Variants in MINPP1 observed in about 807,000 individuals in gnomAD.
The protein encoded by MINPP1 is multiple inositol-polyphosphate phosphatase 1.
A neutral mutation model predicts 46.1 loss-of-function variants in MINPP1; 28 were observed. The ratio of observed to expected loss-of-function variants is 0.61; its 90% CI spans 0.45 to 0.83. The LOEUF is 0.83. MINPP1 is among the 40% of genes least tolerant of loss of function. The pLI, the probability that MINPP1 is intolerant of heterozygous loss-of-function variation, is 0.00. For missense variants in MINPP1, 603 were observed against 610.0 expected (o/e 0.99, Z 0.12); for synonymous variants, 268 against 249.1 (o/e 1.08, Z -0.72).
At position 87,505,131 on chromosome 10, in the gene MINPP1, G is replaced by A. The variant is rs11544306; in HGVS notation, c.216G>A (p.Glu72=). ...SGPEAPWRDP[E]LLEGTCTPVQ... ...CCGAGGCTCCGTGGCGGGACCCTGA[G>A]CTGCTGGAGGGGACCTGCACCCCGG... Residue 72 remains glutamate, a synonymous_variant, in exon 1 of 5, where the codon GAG becomes GAA. Transcript: ENST00000371996. The surrounding 1 kb of genome is among the most constrained non-coding windows in gnomAD (Gnocchi z 4.4). The A allele has an allele frequency of 1.2e-6, 2 of 1,612,208 alleles. No individual in the cohort carries two copies. Among genetic ancestry groups the A allele is most frequent in the Admixed American group, 1.7e-5 (1 of 59,850 alleles).
intron 4 of MINPP1, among the ~76,000 whole-genome samples, chr10:87,540,084 A>G (rs1447291052): frequency 6.6e-6 from 1 of 152,166 alleles, no homozygotes; most frequent in Non-Finnish European, 1.5e-5. Flanking sequence ...TTCCCAGGCT[A>G]GTCTCAAACT....
rs755765874 is a variant in MINPP1, at chr10:87,525,147, T to C, written c.1067+3978T>C. ...AAGATGAGGTAATACCTGTATCATA[T>C]ACAGTTTACCTACTTAAAGTGCACA... On this transcript the variant is annotated intron_variant, in intron 4 of 4. Transcript: ENST00000371996. Among the ~76,000 whole-genome samples the C allele has an allele frequency of 5.3e-4, 80 of 152,222 alleles. 1 individual carries two copies. Among genetic ancestry groups the C allele is most frequent in the Non-Finnish European group, 1.0e-3 (71 of 68,038 alleles).
At chr10:87,551,259 A>G (rs1851958988) in intron 4 of MINPP1, among the ~76,000 whole-genome samples, 1 of 152,088 alleles carries the variant, frequency 6.6e-6, no homozygotes, top group African/African-American at 2.4e-5. Flanking sequence ...ATCCAGATGC[A>G]CTAAATTGAT....
intron 4 of MINPP1, among the ~76,000 whole-genome samples, chr10:87,522,913 C>G (rs1163605340): frequency 6.6e-6 from 1 of 152,200 alleles, no homozygotes; most frequent in Non-Finnish European, 1.5e-5. Flanking sequence ...ACTGCTTTGT[C>G]ACTGTCACAA....
chr10:87,514,800 C>T (rs768709237), intron 3 of MINPP1, among the ~76,000 whole-genome samples: 1 of 152,126 alleles, frequency 6.6e-6, no homozygotes, highest in African/African-American at 2.4e-5. Context: ...ACTGAAACCT[C>T]TGCCTCCCGG....
chr10:87,512,570 T>C (rs539588625), intron 2 of MINPP1, among the ~76,000 whole-genome samples: 1 of 152,350 alleles, frequency 6.6e-6, no homozygotes, highest in South Asian at 2.1e-4. Flanking sequence ...ATGTACTTTG[T>C]TATTTGTAAT....
At chr10:87,542,501 T>C (rs1042339150) in intron 4 of MINPP1, among the ~76,000 whole-genome samples, 1 of 152,188 alleles carries the variant, frequency 6.6e-6, no homozygotes, top group Non-Finnish European at 1.5e-5. Flanking sequence ...GATTCCGCCA[T>C]GTTGGCCAGG....
Position 87,504,907 on chromosome 10 carries a change from G to C in MINPP1, c.-9G>C, listed in dbSNP as rs1369068106. The C allele has an allele frequency of 1.2e-6, 2 of 1,609,220 alleles. No homozygotes were observed. The highest frequency in any genetic ancestry group is 1.7e-6 in the Non-Finnish European group (2 of 1,178,980). ...GCTGGCTCGGCGCACTCCACTGACCGTCCCGACGATGCTACGCGCGCCCGG... is the reference window on the plus strand; with the variant it reads ...GCTGGCTCGGCGCACTCCACTGACCCTCCCGACGATGCTACGCGCGCCCGG... On this transcript the variant is annotated 5_prime_UTR_variant, in exon 1 of 5. Coordinates refer to ENST00000371996, the MANE Select transcript of MINPP1 (RefSeq NM_004897.5).
chr10:87,548,246 C>G (rs765424673), intron 4 of MINPP1, among the ~76,000 whole-genome samples: 23 of 152,182 alleles, frequency 1.5e-4, no homozygotes, highest in Non-Finnish European at 2.8e-4. Flanking sequence ...CTGGGTTTCT[C>G]TAACAGACAC....
chr10:87,522,191 G>A (rs1851511865), intron 4 of MINPP1, among the ~76,000 whole-genome samples: 1 of 151,910 alleles, frequency 6.6e-6, no homozygotes, highest in Non-Finnish European at 1.5e-5. Context: ...GGTAAAAGTG[G>A]AAAAATTTTT....
At position 87,549,589 on chromosome 10, in the gene MINPP1, G is replaced by A. The variant is rs146063721; in HGVS notation, c.1068-2493G>A. On this transcript the variant is annotated intron_variant, in intron 4 of 4. Coordinates refer to ENST00000371996, the MANE Select transcript of MINPP1 (RefSeq NM_004897.5). ...AAAGAATGTAAAGTTTACTAATGGC[G>A]TATAAATTACTTGCTGAAATGACAA... Among the ~76,000 whole-genome samples, 284 of 152,292 alleles carry A rather than the reference G, an allele frequency of 1.9e-3. 2 individuals are homozygous for A. The Middle Eastern group carries it at 0.034, about 18-fold the overall frequency.
chr10:87,534,140 C>G (rs1851700955), intron 4 of MINPP1, among the ~76,000 whole-genome samples: 1 of 149,094 alleles, frequency 6.7e-6, no homozygotes, highest in Non-Finnish European at 1.5e-5. Flanking sequence ...GCAACCTCTA[C>G]CTCCCAGGTT....
chr10:87,545,345 T>G (rs1851872048), intron 4 of MINPP1, among the ~76,000 whole-genome samples: 1 of 152,132 alleles, frequency 6.6e-6, no homozygotes, highest in Admixed American at 6.5e-5. Flanking sequence ...CCAAGTATAT[T>G]CTTACCTGTA....
intron 1 of MINPP1, among the ~76,000 whole-genome samples, chr10:87,507,226 A>G (rs1350925150): frequency 1.3e-5 from 2 of 152,202 alleles, no homozygotes; most frequent in Non-Finnish European, 2.9e-5. Context: ...TATTATGTAC[A>G]TCTGGTCTTT....
rs1309671441 is a variant in MINPP1 at position 87,553,193 on chromosome 10, A to G, written c.*715A>G. The G allele has an allele frequency of 1.3e-5, 2 of 152,198 alleles. No individual in the cohort carries two copies. Among genetic ancestry groups the G allele is most frequent in the Admixed American group, 6.6e-5 (1 of 15,256 alleles). 9.4% of individuals were successfully genotyped at this position (152,198 alleles called of 1,614,324 possible). A position where few individuals can be genotyped will look rare whatever the true frequency, so the allele number is the denominator to read the frequency against. ...ACAATTAGCAACAAGTCAGATAGTT[A>G]GAATCGAAGTTTTTCAAATCCATTG... On this transcript the variant is annotated 3_prime_UTR_variant, in exon 5 of 5. Coordinates refer to ENST00000371996, the MANE Select transcript of MINPP1 (RefSeq NM_004897.5).
rs1465406409 is a variant in MINPP1 at position 87,504,958 on chromosome 10, C to A, written c.43C>A (p.Pro15Thr). 1 of 1,611,942 alleles carries A rather than the reference C, an allele frequency of 6.2e-7. No individual in the cohort carries two copies. Among genetic ancestry groups the A allele is most frequent in the African/African-American group, 1.3e-5 (1 of 75,048 alleles). ...PGCLLRTSVA[P>T]AAALAAALLS... ...CTGCCTCCTCCGGACCTCCGTAGCG[C>A]CTGCCGCGGCCCTGGCTGCGGCGCT... Residue 15 changes from proline (P) to threonine (T), a missense_variant, in exon 1 of 5, where the codon CCT becomes ACT. Coordinates refer to ENST00000371996, the MANE Select transcript of MINPP1 (RefSeq NM_004897.5).
intron 3 of MINPP1, among the ~76,000 whole-genome samples, chr10:87,518,317 C>A (rs182730118): frequency 2.4e-3 from 357 of 151,756 alleles, no homozygotes; most frequent in African/African-American, 8.4e-3. Flanking sequence ...TTTTAAATCT[C>A]CAGTTGCCTC....
chr10:87,535,240 C>A (rs1025527840), intron 4 of MINPP1, among the ~76,000 whole-genome samples: 1 of 152,188 alleles, frequency 6.6e-6, no homozygotes, highest in Non-Finnish European at 1.5e-5. Flanking sequence ...GTTTCCTAAC[C>A]AAAATTTTGT....
chr10:87,537,632 T>A (rs546559741), intron 4 of MINPP1, among the ~76,000 whole-genome samples: 12 of 151,954 alleles, frequency 7.9e-5, no homozygotes, highest in South Asian at 2.1e-4. Context: ...TCTTAAAAAA[T>A]ATATATATAT....
Sources: gnomAD v4.1 joint callset for allele counts (sites outside exome capture counted in the v4.1 genomes callset) on GRCh38, gnomAD v4.1.1 for gene constraint, Gnocchi (gnomAD v3.1) non-coding constraint, MANE v1.5 for transcripts, NCBI Gene and HGNC (gene_info 2026-07-23, HGNC 2026-07-21) for gene names.